Variants in SSBP2 observed in about 807,000 individuals in gnomAD.
SSBP2 encodes the protein single stranded DNA binding protein 2, also known as single-stranded DNA-binding protein 2.
Under a neutral mutation model 61.8 loss-of-function variants are expected in SSBP2, and 17 were observed. That is an observed-to-expected ratio of 0.28 (90% confidence interval 0.19 to 0.41). The LOEUF (loss-of-function observed/expected upper bound fraction) is 0.41. Among genes scored for constraint, SSBP2 ranks in the 10% least tolerant of loss-of-function variants. The pLI is 1.00. For synonymous variants in SSBP2, 139 were observed against 141.3 expected (o/e 0.98, Z 0.12); for missense variants, 310 against 458.7 (o/e 0.68, Z 2.96).
chr5:81,722,933 T>G (rs1328117658), intron 1 of SSBP2, among the ~76,000 whole-genome samples: 1 of 152,026 alleles, frequency 6.6e-6, no homozygotes, highest in East Asian at 1.9e-4. Flanking sequence ...CTAGCACAAT[T>G]GCTTTCTTTC....
chr5:81,603,122 G>A (rs186461829), intron 4 of SSBP2, among the ~76,000 whole-genome samples: 99 of 152,264 alleles, frequency 6.5e-4, no homozygotes, highest in African/African-American at 1.7e-3. Context: ...CTTTTATTAT[G>A]CTCATGGGTT....
intron 4 of SSBP2, among the ~76,000 whole-genome samples, chr5:81,597,823 A>C (rs1461582493): frequency 1.5e-5 from 2 of 136,418 alleles, no homozygotes; most frequent in African/African-American, 5.5e-5. Context: ...ACACATGGAC[A>C]CAGGAAGGGG....
chr5:81,468,618 T>C (rs1265852370), intron 8 of SSBP2, among the ~76,000 whole-genome samples: 4 of 152,000 alleles, frequency 2.6e-5, no homozygotes. Flanking sequence ...AAACACATAA[T>C]AGACTTTTAT....
chr5:81,690,545 C>T (rs1418223896), intron 1 of SSBP2, among the ~76,000 whole-genome samples: 1 of 152,084 alleles, frequency 6.6e-6, no homozygotes, highest in Non-Finnish European at 1.5e-5. Context: ...ATTGTAAATA[C>T]ATATGCATAC....
chr5:81,517,168 A>G (rs1405987377), intron 4 of SSBP2, among the ~76,000 whole-genome samples: 1 of 152,082 alleles, frequency 6.6e-6, no homozygotes, highest in African/African-American at 2.4e-5. Flanking sequence ...AGAGAAAAAC[A>G]TACAAATAAT....
rs1754162884 is a variant in SSBP2 at position 81,703,727 on chromosome 5, A to G, written c.62+47254T>C. Among the ~76,000 whole-genome samples, 4 of 152,276 alleles carry G rather than the reference A, an allele frequency of 2.6e-5. No homozygotes were observed. In the South Asian group the frequency reaches 8.3e-4, roughly 32 times the overall value. On this transcript the variant is annotated intron_variant, in intron 1 of 16. Coordinates refer to ENST00000320672, the MANE Select transcript of SSBP2 (RefSeq NM_012446.5). ...TCACTAATGATTTCCCTTAAAAGAG[A>G]AATGCCAAAAACAAGACTAATAAAG...
rs1233177296 is a variant in SSBP2, at chr5:81,487,865, T to C, written c.432+1385A>G. ...CAACCACTGCTCTATTCAGCTTCTA[T>C]GAGTTTGACCTTTTAAGAGTTTACA... On this transcript the variant is annotated intron_variant, in intron 6 of 16. Transcript: ENST00000320672. 2.6e-5 allele frequency among the ~76,000 whole-genome samples: 4 copies of C among 151,188 alleles called. No homozygotes were observed. In the East Asian group the frequency reaches 7.8e-4, roughly 30 times the overall value.
At chr5:81,646,161 A>T (rs1416043064) in intron 2 of SSBP2, among the ~76,000 whole-genome samples, 2 of 152,158 alleles carry the variant, frequency 1.3e-5, no homozygotes, top group African/African-American at 4.8e-5. Context: ...ACAAGCCCAT[A>T]CTAATGAAAG....
chr5:81,604,017 C>T lies in SSBP2; in HGVS notation c.282+11456G>A, dbSNP rs1356561252. On this transcript the variant is annotated intron_variant, in intron 4 of 16. Transcript: ENST00000320672. ...GGGAAAAAATACATGTTATATTAAA[C>T]GCTGTACTACTGACATTCCAAGAAG... 2.0e-5 allele frequency among the ~76,000 whole-genome samples: 3 copies of T among 152,044 alleles called. No individual in the cohort carries two copies. In the East Asian group the frequency reaches 5.8e-4, roughly 29 times the overall value.
chr5:81,630,538 A>G (rs929899843), intron 3 of SSBP2, among the ~76,000 whole-genome samples: 4 of 152,168 alleles, frequency 2.6e-5, no homozygotes, highest in Non-Finnish European at 5.9e-5. Flanking sequence ...ACATTAAAAA[A>G]CTGTACCTAT....
intron 16 of SSBP2, among the ~76,000 whole-genome samples, chr5:81,425,745 T>C (rs984514444): frequency 2.6e-5 from 4 of 151,566 alleles, no homozygotes; most frequent in Non-Finnish European, 4.4e-5. Flanking sequence ...ACCTCAGCAG[T>C]GAAACATTTT....
At chr5:81,651,826 C>A (rs755705825) in intron 1 of SSBP2, among the ~76,000 whole-genome samples, 8 of 152,176 alleles carry the variant, frequency 5.3e-5, no homozygotes, top group Non-Finnish European at 1.0e-4. Flanking sequence ...TTGTTCCCTC[C>A]ACTAGTGACT....
chr5:81,537,611 T>C (rs1269072059), intron 4 of SSBP2, among the ~76,000 whole-genome samples: 8 of 152,194 alleles, frequency 5.3e-5, no homozygotes, highest in Admixed American at 5.2e-4. Flanking sequence ...TCCAACAGCA[T>C]GTGCTCATTC....
intron 4 of SSBP2, among the ~76,000 whole-genome samples, chr5:81,597,737 T>G (rs989184485): frequency 4.2e-4 from 64 of 151,650 alleles, no homozygotes; most frequent in Non-Finnish European, 3.5e-4. Flanking sequence ...AAACCATCAT[T>G]CTCAGCAAAC....
At chr5:81,538,178 T>C (rs193152907) in intron 4 of SSBP2, among the ~76,000 whole-genome samples, 2 of 152,238 alleles carry the variant, frequency 1.3e-5, no homozygotes, top group East Asian at 1.9e-4. Flanking sequence ...GCTACTCCAG[T>C]GAAACACAGA....
At chr5:81,738,102 G>A (rs976913630) in intron 1 of SSBP2, among the ~76,000 whole-genome samples, 1 of 152,056 alleles carries the variant, frequency 6.6e-6, no homozygotes, top group Non-Finnish European at 1.5e-5. Context: ...AAAACCAAAT[G>A]GGCCATACAT....
chr5:81,431,438 C>T (rs1762279591), intron 15 of SSBP2, among the ~76,000 whole-genome samples: 1 of 151,874 alleles, frequency 6.6e-6, no homozygotes, highest in Non-Finnish European at 1.5e-5. Flanking sequence ...GCTATGATGT[C>T]ACACATGAAT....
chr5:81,653,086 A>C (rs974266815), intron 1 of SSBP2, among the ~76,000 whole-genome samples: 8 of 151,650 alleles, frequency 5.3e-5, no homozygotes, highest in Admixed American at 2.0e-4. Context: ...TCCTAATGCT[A>C]TCCCTCCCTT....
chr5:81,636,667 C>A (rs1351214098), intron 2 of SSBP2, 49 bp from the exon 3 acceptor site: 2 of 1,355,368 alleles, frequency 1.5e-6, no homozygotes, highest in South Asian at 1.3e-5. Flanking sequence ...CTTTTTTCCA[C>A]ACATATTACA....
Sources: gnomAD v4.1 joint callset for allele counts (sites outside exome capture counted in the v4.1 genomes callset) on GRCh38, gnomAD v4.1.1 for gene constraint, MANE v1.5 for transcripts, NCBI Gene and HGNC (gene_info 2026-07-23, HGNC 2026-07-21) for gene names.